Variants in PLIN1 observed in about 807,000 individuals in gnomAD.
The protein encoded by PLIN1 is perilipin 1.
Under a neutral mutation model 45.8 loss-of-function variants are expected in PLIN1, and 37 were observed. That is an observed-to-expected ratio of 0.81 (90% CI 0.62 to 1.06). The LOEUF is 1.06. PLIN1 is among the 50% of genes least tolerant of loss of function. The pLI is 0.00. For missense variants in PLIN1, 776 were observed against 716.5 expected, an observed-to-expected ratio of 1.08 and a Z score of -0.95; for synonymous variants, 340 against 309.2, an observed-to-expected ratio of 1.10 and a Z score of -1.05.
At chr15:89,675,442 A>AC (rs975043161) in intron 2 of PLIN1, among the ~76,000 whole-genome samples, 1 of 151,196 alleles carries the variant, frequency 6.6e-6, no homozygotes, top group African/African-American at 2.4e-5. Context: ...AAAAAAAAAA[A>AC]AAAAAGCTGG....
Position 89,673,474 on chromosome 15 carries a change from T to C in PLIN1, c.46-60A>G, listed in dbSNP as rs1420829218. The C allele has an allele frequency of 2.1e-6, 3 of 1,403,416 alleles. No individual in the cohort carries two copies. In the African/African-American group the frequency reaches 4.3e-5, roughly 20 times the overall value. 86.9% of individuals were successfully genotyped at this position (1,403,416 alleles called of 1,614,324 possible). On this transcript the variant is annotated intron_variant, in intron 2 of 8. Transcript: ENST00000300055. ...CTCCCTCTCCAGCCTCCCGGGAAGC[T>C]GACCCCGGGGTCATGGGGACCAATG...
chr15:89,667,892 G>T (rs1433186969), intron 6 of PLIN1, 99 bp from the exon 7 acceptor site: 5 of 1,519,422 alleles, frequency 3.3e-6, no homozygotes, highest in African/African-American at 1.4e-5. Context: ...TCCGGGCCAG[G>T]TGGTGAGCAG....
chr15:89,674,316 G>A (rs1964484412), intron 2 of PLIN1, among the ~76,000 whole-genome samples: 1 of 152,112 alleles, frequency 6.6e-6, no homozygotes, highest in Non-Finnish European at 1.5e-5. Flanking sequence ...AAGTGCATTA[G>A]TGCCATCATA....
At chr15:89,674,647 CT>C (rs1567080121) in intron 2 of PLIN1, among the ~76,000 whole-genome samples, 1 of 152,156 alleles carries the variant, frequency 6.6e-6, no homozygotes, top group Non-Finnish European at 1.5e-5. Flanking sequence ...CTCCACCCCC[CT>C]GTTCCACACT....
intron 2 of PLIN1, among the ~76,000 whole-genome samples, chr15:89,675,570 G>A (rs762810959): frequency 6.6e-6 from 1 of 152,080 alleles, no homozygotes; most frequent in African/African-American, 2.4e-5. Context: ...CAATGCCACT[G>A]CACTCCAGCC....
At position 89,665,449 on chromosome 15, in the gene PLIN1, G is replaced by C. The variant is rs562747370; in HGVS notation, c.*134C>G. 4 of 611,044 alleles carry C rather than the reference G, an allele frequency of 6.5e-6. No homozygotes were observed. The South Asian group carries it at 1.6e-4, about 25-fold the overall frequency. The allele number at this position is 611,044 out of a possible 1,614,324, so 37.9% of individuals were successfully genotyped here. A position where few individuals can be genotyped will look rare whatever the true frequency, so the allele number is the denominator to read the frequency against. ...AAATAAAAATAAAAAGTGCGCCTTG[G>C]CAGCATCATCAGGATGAGGCTGAGC... On this transcript the variant is annotated 3_prime_UTR_variant, in exon 9 of 9. Coordinates refer to ENST00000300055, the MANE Select transcript of PLIN1 (RefSeq NM_002666.5).
Position 89,670,206 on chromosome 15 carries a change from G to A in PLIN1, c.372C>T (p.Leu124=), listed in dbSNP as rs1265150209. 2 of 1,613,610 alleles carry A rather than the reference G, an allele frequency of 1.2e-6. No homozygotes were observed. The highest frequency in any genetic ancestry group is 1.7e-6 in the Non-Finnish European group (2 of 1,179,816). ...SELKDTISTR[L]RSARNSISVP... is the part of the protein sequence containing the mutation. ...CGCTGATGCTGTTTCTGGCACTGCG[G>A]AGGCGGGTGGAGATGGTGTCCTTCA... The change falls in exon 5 of 9, where the codon CTC becomes CTT. Residue 124 remains leucine (L), a synonymous_variant. Coordinates refer to ENST00000300055, the MANE Select transcript of PLIN1 (RefSeq NM_002666.5).
At chr15:89,667,879 G>A (rs1964378891) in intron 6 of PLIN1, 86 bp from the exon 7 acceptor site, 3 of 1,528,488 alleles carry the variant, frequency 2.0e-6, no homozygotes, top group African/African-American at 1.4e-5. Flanking sequence ...CTCGCCCCCA[G>A]GGTCCGGGCC....
chr15:89,667,571 G>A (rs1964368746), intron 7 of PLIN1, 31 bp downstream of exon 7: 14 of 1,613,980 alleles, frequency 8.7e-6, no homozygotes, highest in East Asian at 2.2e-5. Flanking sequence ...TGTGGGCTGG[G>A]GGACCTTGAG....
rs1229501294 is a variant in PLIN1 at position 89,673,310 on chromosome 15, C to G, written c.150G>C (p.Leu50=). 1.3e-6 allele frequency: 2 copies of G among 1,590,880 alleles called. No homozygotes were observed. Among genetic ancestry groups the G allele is most frequent in the Admixed American group, 3.5e-5 (2 of 57,070 alleles). Residue 50 remains leucine, a synonymous_variant, in exon 3 of 9, where the codon CTG becomes CTC. Coordinates refer to ENST00000300055, the MANE Select transcript of PLIN1 (RefSeq NM_002666.5). The part of the protein sequence containing the change: ...TYTSTKEAHP[L]VASVCNAYEK... ...CATAGGCATTGCACACAGAGGCCAC[C>G]AGGGGGTGGGCTTCCTTAGTGCTGG...
chr15:89,672,391 C>G, intron 3 of PLIN1, among the ~76,000 whole-genome samples: 1 of 152,162 alleles, frequency 6.6e-6, no homozygotes, highest in South Asian at 2.1e-4. Flanking sequence ...ACAAAATTCT[C>G]AAGCAGCAGA....
At chr15:89,675,216 C>T (rs995641451) in intron 2 of PLIN1, among the ~76,000 whole-genome samples, 5 of 152,128 alleles carry the variant, frequency 3.3e-5, no homozygotes, top group African/African-American at 1.2e-4. Flanking sequence ...TTCCGGGGTG[C>T]TGTGCTGTTA....
In PLIN1 at chr15:89,667,160, G is replaced by C. The variant is rs147317847; in HGVS notation, c.985C>G (p.Arg329Gly). The change falls in exon 8 of 9, where the codon CGA (arginine) becomes GGA (glycine). Residue 329 changes from arginine (R) to glycine (G), a missense_variant. Coordinates refer to ENST00000300055, the MANE Select transcript of PLIN1 (RefSeq NM_002666.5). ...FSEVAALPGP[R>G]GLLGGVAHTL... Reference sequence around the variant, plus strand: ...TGTGCCACACCACCCAGGAGGCCTCGAGGGCCTGGCAGGGCTGCTACCTGG... The same window carrying C: ...TGTGCCACACCACCCAGGAGGCCTCCAGGGCCTGGCAGGGCTGCTACCTGG... The C allele has an allele frequency of 1.4e-5, 22 of 1,613,598 alleles. No individual in the cohort carries two copies. Among genetic ancestry groups the C allele is most frequent in the Non-Finnish European group, 1.8e-5 (21 of 1,180,000 alleles).
At position 89,667,115 on chromosome 15, in the gene PLIN1, G is replaced by A. The variant is rs866184247; in HGVS notation, c.1030C>T (p.Gln344Ter). The change falls in exon 8 of 9, where the codon CAG becomes TAG. Residue 344 changes from glutamine (Q) to a stop codon, truncating the protein, a stop_gained. Coordinates refer to ENST00000300055, the MANE Select transcript of PLIN1 (RefSeq NM_002666.5). LOFTEE classifies it high-confidence loss of function. ...GVAHTLQKTL[Q>*]TTISAVTWAP... ...CATGTCACAGCCGAGATGGTGGTCT[G>A]GAGGGTCTTCTGCAGGGTATGTGCC... 1.2e-6 allele frequency: 2 copies of A among 1,614,062 alleles called. No homozygotes were observed. The highest frequency in any genetic ancestry group is 1.7e-6 in the Non-Finnish European group (2 of 1,180,002).
Position 89,664,835 on chromosome 15 carries a change from C to T in PLIN1, c.*748G>A, listed in dbSNP as rs995012550. The T allele has an allele frequency of 1.6e-4, 71 of 455,592 alleles. No homozygotes were observed. In the Admixed American group the frequency reaches 1.7e-3, roughly 11 times the overall value. The allele number at this position is 455,592 out of a possible 1,614,324, so 28.2% of individuals were successfully genotyped here. On this transcript the variant is annotated 3_prime_UTR_variant, in exon 9 of 9. Coordinates refer to ENST00000300055, the MANE Select transcript of PLIN1 (RefSeq NM_002666.5). ...GGGTTGGGGATGAACTGTGGCTATA[C>T]ATAAAGTCTATATATCATCACCATT...
intron 4 of PLIN1, among the ~76,000 whole-genome samples, chr15:89,671,130 GTGACTCA>G (rs1258448300): frequency 1.3e-5 from 2 of 152,228 alleles, no homozygotes; most frequent in Non-Finnish European, 2.9e-5. Context: ...CTGAATGAGT[GTGACTCA>G]TGATCTTAGG....
At position 89,665,848 on chromosome 15, in the gene PLIN1, G is replaced by T. The variant is rs755581322; in HGVS notation, c.1304C>A (p.Ala435Glu). ...EVERREAERR[A>E]SGAPSAGPEP... ...CGGGCCGGCGGACGGCGCCCCAGAC[G>T]CTCTGCGCTCCGCCTCCCGGCGCTC... is the stretch of plus-strand genomic sequence containing the variant. Residue 435 changes from alanine (A) to glutamate (E), a missense_variant, in exon 9 of 9, where the codon GCG becomes GAG. By Grantham distance (107) the Ala-to-Glu change is moderately radical. Transcript: ENST00000300055. 3 of 1,475,720 alleles carry T rather than the reference G, an allele frequency of 2.0e-6. No individual in the cohort carries two copies. Among genetic ancestry groups the T allele is most frequent in the Admixed American group, 2.2e-5 (1 of 44,964 alleles). 91.4% of individuals were successfully genotyped at this position (1,475,720 alleles called of 1,614,324 possible).
chr15:89,672,729 G>A (rs1374488141), intron 3 of PLIN1, among the ~76,000 whole-genome samples: 1 of 152,166 alleles, frequency 6.6e-6, no homozygotes, highest in Non-Finnish European at 1.5e-5. Context: ...GAGGCTCTCT[G>A]CCACCCCCAC....
In PLIN1 at chr15:89,670,098, A is replaced by G; in HGVS notation, c.480T>C (p.Thr160=). 6.2e-7 allele frequency: 1 copy of G among 1,614,194 alleles called. No homozygotes were observed. The highest frequency in any genetic ancestry group is 1.6e-4 in the Middle Eastern group (1 of 6,062). The stretch of plus-strand genomic sequence containing the variant: ...CTCGAGTGTTGGCAGCAAATTCCGC[A>G]GTGTCTCTGGCCACCCCCCAGGCAA... ...CELAWGVARD[T]AEFAANTRAG... Residue 160 remains threonine, a synonymous_variant, in exon 5 of 9, where the codon ACT becomes ACC. Coordinates refer to ENST00000300055, the MANE Select transcript of PLIN1 (RefSeq NM_002666.5).
Sources: gnomAD v4.1 joint callset for allele counts (sites outside exome capture counted in the v4.1 genomes callset) on GRCh38, gnomAD v4.1.1 for gene constraint, MANE v1.5 for transcripts, NCBI Gene and HGNC (gene_info 2026-07-23, HGNC 2026-07-21) for gene names.